Variants in FAM167A observed in about 807,000 individuals in gnomAD.
FAM167A encodes the protein family with sequence similarity 167 member A.
A neutral mutation model predicts 14.9 loss-of-function variants in FAM167A; 23 were observed. The observed-to-expected ratio is 1.55, with a 90% CI of 1.11 to 2.19. The LOEUF is 2.19. Ranked by LOEUF, FAM167A falls within the 30% of genes most tolerant of loss-of-function variation. The pLI, the probability that FAM167A is intolerant of heterozygous loss-of-function variation, is 0.00. For missense variants in FAM167A, 401 were observed against 281.5 expected, an observed-to-expected ratio of 1.42 and a Z score of -3.04; for synonymous variants, 174 against 117.7, an observed-to-expected ratio of 1.48 and a Z score of -3.10.
At chr8:11,450,902 G>A (rs1806996342) in intron 1 of FAM167A, among the ~76,000 whole-genome samples, 1 of 152,180 alleles carries the variant, frequency 6.6e-6, no homozygotes, top group South Asian at 2.1e-4. Flanking sequence ...CTCTGGGCCT[G>A]CAGTGGGACA....
intron 2 of FAM167A, among the ~76,000 whole-genome samples, chr8:11,441,258 C>T (rs1409036285): frequency 6.6e-6 from 1 of 152,228 alleles, no homozygotes; most frequent in Non-Finnish European, 1.5e-5. Flanking sequence ...GCTTGGGGAT[C>T]CCTGGGTCTG....
chr8:11,433,888 T>A (rs935572525), intron 2 of FAM167A: 19 of 152,364 alleles, frequency 1.2e-4, no homozygotes, highest in African/African-American at 4.3e-4. Context: ...TTGTGTAATC[T>A]CTTTCCTTAT....
At chr8:11,458,578 A>G (rs1807419204) in intron 1 of FAM167A, among the ~76,000 whole-genome samples, 1 of 152,172 alleles carries the variant, frequency 6.6e-6, no homozygotes, top group South Asian at 2.1e-4. Flanking sequence ...TTACTCTGGC[A>G]ATAGTGACTG....
At chr8:11,450,232 G>A (rs528320490) in intron 1 of FAM167A, among the ~76,000 whole-genome samples, 1 of 152,184 alleles carries the variant, frequency 6.6e-6, no homozygotes, top group Non-Finnish European at 1.5e-5. Context: ...AGTTTTGCTT[G>A]ATTTGCCCAG....
chr8:11,469,518 T>G (rs1563397044), upstream of FAM167A, among the ~76,000 whole-genome samples: 2 of 152,182 alleles, frequency 1.3e-5, no homozygotes, highest in Non-Finnish European at 2.9e-5. Flanking sequence ...TGGTGCATGA[T>G]GCATGAGACA....
At position 11,434,922 on chromosome 8, in the gene FAM167A, T is replaced by G. The variant is rs907585719; in HGVS notation, c.381+9109A>C. On this transcript the variant is annotated intron_variant, in intron 2 of 2. Transcript: ENST00000284486. The stretch of plus-strand genomic sequence containing the variant: ...AGAGTGGGAGAGATGTGACTGCTGC[T>G]GGCTGGGTGAGGACAGGCCCAGAGG... The G allele has an allele frequency of 6.1e-5, 25 of 412,110 alleles. No homozygotes were observed. In the Admixed American group the frequency reaches 6.4e-4, roughly 10 times the overall value. 25.5% of individuals were successfully genotyped at this position (412,110 alleles called of 1,614,324 possible).
In FAM167A at chr8:11,456,428, ATGAG is replaced by A. The variant is rs1405572203; in HGVS notation, c.-398+10194_-398+10197del. ...GGGGGGTGGTTGCCTTGCTGGGTGT[ATGAG>A]TGTGTGAGTGTGGGTACTTGCCCTG... On this transcript the variant is annotated intron_variant, in intron 1 of 2. Coordinates refer to ENST00000284486, the MANE Select transcript of FAM167A (RefSeq NM_053279.3). 4.4e-4 allele frequency among the ~76,000 whole-genome samples: 8 copies of A among 18,374 alleles called. No homozygotes were observed. The East Asian group carries it at 0.011, about 25-fold the overall frequency. 12.1% of individuals were successfully genotyped at this position (18,374 alleles called of 152,430 possible). A position where few individuals can be genotyped will look rare whatever the true frequency, so the allele number is the denominator to read the frequency against.
intron 2 of FAM167A, among the ~76,000 whole-genome samples, chr8:11,428,658 C>T (rs1299703844): frequency 6.6e-6 from 1 of 152,232 alleles, no homozygotes; most frequent in Non-Finnish European, 1.5e-5. Flanking sequence ...GCTCACAATA[C>T]ATAGTGTGTT....
intron 1 of FAM167A, among the ~76,000 whole-genome samples, chr8:11,455,650 G>C (rs1368326988): frequency 7.5e-6 from 1 of 134,084 alleles, no homozygotes; most frequent in Non-Finnish European, 1.6e-5. Context: ...TGAGTGTTGG[G>C]GGTGGTTGCC....
At chr8:11,439,399 A>C (rs921355212) in intron 2 of FAM167A, among the ~76,000 whole-genome samples, 3 of 152,248 alleles carry the variant, frequency 2.0e-5, no homozygotes, top group Non-Finnish European at 4.4e-5. Flanking sequence ...GTCCCCTGAC[A>C]TACCAGAGTC....
At chr8:11,443,884 G>C (rs2117084008) in intron 2 of FAM167A, 147 bp downstream of exon 2, 1 of 1,061,554 alleles carries the variant, frequency 9.4e-7, no homozygotes, top group East Asian at 2.4e-5. Context: ...CAACTCACGG[G>C]AAGATTACAG....
At chr8:11,425,335 CTG>C (rs983180473) in intron 2 of FAM167A, among the ~76,000 whole-genome samples, 4 of 152,250 alleles carry the variant, frequency 2.6e-5, no homozygotes, top group Admixed American at 2.6e-4. Context: ...AGGGAATTAG[CTG>C]TGTCGGCTCA....
chr8:11,464,983 C>T (rs575480860), intron 1 of FAM167A, among the ~76,000 whole-genome samples: 9 of 152,246 alleles, frequency 5.9e-5, no homozygotes, highest in South Asian at 4.1e-4. Context: ...CATGTAATTG[C>T]GAGGACCAGA....
rs1284641386 is a variant in FAM167A at position 11,426,470 on chromosome 8, A to G, written c.382-1834T>C. 3.3e-5 allele frequency among the ~76,000 whole-genome samples: 5 copies of G among 152,292 alleles called. No homozygotes were observed. The East Asian group carries it at 7.7e-4, about 24-fold the overall frequency. Reference sequence around the variant, plus strand: ...CTTCTGTTAACAAAGAGATGTGATAATTATTTCTCACCTGGCTTCACACTC... The same window carrying G: ...CTTCTGTTAACAAAGAGATGTGATAGTTATTTCTCACCTGGCTTCACACTC... On this transcript the variant is annotated intron_variant, in intron 2 of 2. Transcript: ENST00000284486.
At chr8:11,457,795 C>T (rs1056485721) in intron 1 of FAM167A, among the ~76,000 whole-genome samples, 5 of 152,180 alleles carry the variant, frequency 3.3e-5, no homozygotes, top group Non-Finnish European at 7.4e-5. Flanking sequence ...AGCCCTCTCA[C>T]ACTCCCCACC....
chr8:11,434,558 C>T (rs555411586), intron 2 of FAM167A, among the ~76,000 whole-genome samples: 9 of 152,258 alleles, frequency 5.9e-5, no homozygotes, highest in Admixed American at 2.6e-4. Flanking sequence ...CGGGCCCTGC[C>T]GAGGACTCCA....
intron 1 of FAM167A, among the ~76,000 whole-genome samples, chr8:11,448,193 TAAA>T (rs34728701): frequency 1.4e-3 from 183 of 135,550 alleles, no homozygotes; most frequent in East Asian, 3.0e-3. Flanking sequence ...GACTCTGTCT[TAAA>T]AAAAAAAAAA....
chr8:11,428,545 G>T (rs1043496141), intron 2 of FAM167A, among the ~76,000 whole-genome samples: 3 of 152,234 alleles, frequency 2.0e-5, no homozygotes, highest in African/African-American at 7.2e-5. Context: ...AGAACATGAG[G>T]AGGGGGCTGG....
chr8:11,453,209 G>C (rs1807095736), intron 1 of FAM167A, among the ~76,000 whole-genome samples: 1 of 152,208 alleles, frequency 6.6e-6, no homozygotes, highest in Non-Finnish European at 1.5e-5. Context: ...AGGTCTCACT[G>C]TTGCCCAGGC....
Sources: allele counts gnomAD v4.1 joint callset (sites outside exome capture counted in the v4.1 genomes callset), GRCh38; gene constraint gnomAD v4.1.1; transcripts MANE v1.5; gene names NCBI Gene and HGNC (gene_info 2026-07-23, HGNC 2026-07-21).